STK32B: variants seen among roughly 807,000 people sequenced by gnomAD.
STK32B encodes serine/threonine kinase 32B, also known as serine/threonine-protein kinase 32B.
A neutral mutation model predicts 52.6 loss-of-function variants in STK32B; 43 were observed. The observed-to-expected ratio is 0.82, with a 90% CI of 0.64 to 1.05. The LOEUF is 1.05. Ranked by LOEUF, STK32B falls within the 50% of genes least tolerant of loss-of-function variation. The probability of loss-of-function intolerance (pLI) is 0.00; values close to 1 mark genes in which losing one functional copy is unlikely to be tolerated. For synonymous variants in STK32B, 238 were observed against 204.3 expected, an observed-to-expected ratio of 1.17 and a Z score of -1.41; for missense variants, 621 against 534.6, an observed-to-expected ratio of 1.16 and a Z score of -1.59.
intron 1 of STK32B, among the ~76,000 whole-genome samples, chr4:5,099,757 C>T (rs1027740507): frequency 6.6e-6 from 1 of 151,986 alleles, no homozygotes; most frequent in Non-Finnish European, 1.5e-5. Context: ...GTGGTGATAC[C>T]CAGCTCGGCT....
At chr4:5,127,880 A>G (rs1387457790) in intron 1 of STK32B, among the ~76,000 whole-genome samples, 3 of 151,746 alleles carry the variant, frequency 2.0e-5, no homozygotes, top group Non-Finnish European at 4.4e-5. Context: ...GTGATAGTAA[A>G]TAAGTCTCAC....
At chr4:5,366,775 G>C (rs140097228) in intron 4 of STK32B, among the ~76,000 whole-genome samples, 2 of 152,286 alleles carry the variant, frequency 1.3e-5, no homozygotes, top group East Asian at 1.9e-4. Context: ...ACTGAGTTTG[G>C]AAAGCAAATC....
chr4:5,100,634 C>G (rs1022047582), intron 1 of STK32B, among the ~76,000 whole-genome samples: 1 of 74,072 alleles, frequency 1.4e-5, no homozygotes, highest in African/African-American at 6.6e-5. Context: ...CTTTCTTTCT[C>G]TTTCTTTCTT....
intron 11 of STK32B, among the ~76,000 whole-genome samples, chr4:5,479,890 A>T (rs1718544415): frequency 6.6e-6 from 1 of 152,170 alleles, no homozygotes; most frequent in Non-Finnish European, 1.5e-5. Context: ...ACAGAGAGGC[A>T]GGATATGTAA....
At chr4:5,170,671 G>A (rs1448185128) in intron 3 of STK32B, among the ~76,000 whole-genome samples, 1 of 152,086 alleles carries the variant, frequency 6.6e-6, no homozygotes, top group Non-Finnish European at 1.5e-5. Flanking sequence ...AGTATTCCAT[G>A]GTGTATATGT....
chr4:5,117,875 G>A (rs1330693263), intron 1 of STK32B, among the ~76,000 whole-genome samples: 1 of 151,906 alleles, frequency 6.6e-6, no homozygotes, highest in African/African-American at 2.4e-5. Context: ...TGTGTATGTT[G>A]AACCATCCCA....
chr4:5,276,931 T>C (rs1727861576), intron 3 of STK32B, among the ~76,000 whole-genome samples: 1 of 152,176 alleles, frequency 6.6e-6, no homozygotes, highest in Non-Finnish European at 1.5e-5. Flanking sequence ...TTGAGTCATA[T>C]AGAGGACACT....
At chr4:5,480,335 G>T (rs1395482072) in intron 11 of STK32B, among the ~76,000 whole-genome samples, 1 of 152,188 alleles carries the variant, frequency 6.6e-6, no homozygotes, top group Non-Finnish European at 1.5e-5. Flanking sequence ...TGTGCCCAAG[G>T]TGGTCGGGGT....
At chr4:5,473,598 C>A (rs952445438) in intron 11 of STK32B, among the ~76,000 whole-genome samples, 4 of 152,250 alleles carry the variant, frequency 2.6e-5, no homozygotes, top group East Asian at 3.9e-4. Context: ...ATCAAAATAG[C>A]CCCTGGCCAT....
chr4:5,429,765 ATTCT>A (rs1409211823), intron 6 of STK32B, among the ~76,000 whole-genome samples: 3 of 152,228 alleles, frequency 2.0e-5, no homozygotes, highest in East Asian at 3.9e-4. Context: ...CTGGTAATGA[ATTCT>A]TTCTTTTTTT....
chr4:5,027,841 C>T, the STK32B span, among the ~76,000 whole-genome samples: 1 of 152,098 alleles, frequency 6.6e-6, no homozygotes, highest in African/African-American at 2.4e-5. Flanking sequence ...GCAGTTAAGT[C>T]TTTTGCTCTG....
chr4:5,453,180 TTGGTCCGGTTGC>T lies in STK32B; in HGVS notation c.667-3626_667-3615del, dbSNP rs1716159758. 6.6e-6 allele frequency among the ~76,000 whole-genome samples: 1 copy of T among 151,818 alleles called. No homozygotes were observed. Among genetic ancestry groups the T allele is most frequent in the African/African-American group, 2.4e-5 (1 of 41,288 alleles). On this transcript the variant is annotated intron_variant, in intron 7 of 11. Coordinates refer to ENST00000282908, the MANE Select transcript of STK32B (RefSeq NM_018401.3). This position sits in a 1 kb window ranked among gnomAD's most constrained non-coding sequence, Gnocchi z 4.0. ...ATTATTATCATCATTGTTTTTGTAATTGGTCCGGTTGCCTCCAGAAGGAGAGAGAATTACAGA... is the reference window on the plus strand; with the variant it reads ...ATTATTATCATCATTGTTTTTGTAATCTCCAGAAGGAGAGAGAATTACAGA...
chr4:5,088,431 A>G (rs975417092), intron 1 of STK32B, among the ~76,000 whole-genome samples: 2 of 152,106 alleles, frequency 1.3e-5, no homozygotes, highest in African/African-American at 4.8e-5. Flanking sequence ...TAATAATTAT[A>G]TGTTTTAAAA....
At chr4:5,316,827 T>C (rs1345942177) in intron 3 of STK32B, among the ~76,000 whole-genome samples, 1 of 2,878 alleles carries the variant, frequency 3.5e-4, no homozygotes, top group Non-Finnish European at 5.7e-4. Context: ...TTATATCATA[T>C]ATATTATATA....
rs375530542 is a variant in STK32B, at chr4:5,105,853, A to G, written c.53-34052A>G. Reference sequence around the variant, plus strand: ...GCTGGGATTACAGGTGTGAGCCACCACGCCCGGCTGAACAGATGTTCTTTA... The same window carrying G: ...GCTGGGATTACAGGTGTGAGCCACCGCGCCCGGCTGAACAGATGTTCTTTA... On this transcript the variant is annotated intron_variant, in intron 1 of 11. Coordinates refer to ENST00000282908, the MANE Select transcript of STK32B (RefSeq NM_018401.3). 8.7e-4 allele frequency among the ~76,000 whole-genome samples: 132 copies of G among 151,956 alleles called. 1 individual carries two copies. Among genetic ancestry groups the G allele is most frequent in the South Asian group, 1.5e-3 (7 of 4,788 alleles).
chr4:5,155,904 T>G (rs1717787011), intron 2 of STK32B, among the ~76,000 whole-genome samples: 1 of 152,072 alleles, frequency 6.6e-6, no homozygotes, highest in African/African-American at 2.4e-5. Context: ...CACTAAACAG[T>G]TCACATATAT....
chr4:5,222,755 C>T (rs756312703), intron 3 of STK32B, among the ~76,000 whole-genome samples: 9 of 152,092 alleles, frequency 5.9e-5, no homozygotes, highest in East Asian at 3.8e-4. Context: ...GAATTTATAA[C>T]AGAAATGAAA....
intron 8 of STK32B, among the ~76,000 whole-genome samples, chr4:5,457,968 A>AGAAG (rs567377333): frequency 2.0e-5 from 3 of 149,422 alleles, no homozygotes; most frequent in Non-Finnish European, 4.5e-5. Flanking sequence ...AGGAAAGGAA[A>AGAAG]GAAGGAAGGA....
chr4:5,188,991 A>G lies in STK32B; in HGVS notation c.260+20541A>G, dbSNP rs573403199. Among the ~76,000 whole-genome samples the G allele has an allele frequency of 3.4e-3, 522 of 151,802 alleles. 5 individuals are homozygous for G. Among genetic ancestry groups the G allele is most frequent in the African/African-American group, 0.012 (500 of 41,328 alleles). On this transcript the variant is annotated intron_variant, in intron 3 of 11. Coordinates refer to ENST00000282908, the MANE Select transcript of STK32B (RefSeq NM_018401.3). ...ACAAACCTGCACGTTGTGCACGTGTACCCTAGAACTTAAGGTATAATTTAA... is the reference window on the plus strand; with the variant it reads ...ACAAACCTGCACGTTGTGCACGTGTGCCCTAGAACTTAAGGTATAATTTAA...
Sources: gnomAD v4.1 joint callset for allele counts (sites outside exome capture counted in the v4.1 genomes callset) on GRCh38, gnomAD v4.1.1 for gene constraint, Gnocchi (gnomAD v3.1) non-coding constraint, MANE v1.5 for transcripts, NCBI Gene and HGNC (gene_info 2026-07-23, HGNC 2026-07-21) for gene names.